Variants in NAV2 observed in about 807,000 individuals in gnomAD.
NAV2 encodes helicase, APC down-regulated 1.
NAV2 carries 54 observed loss-of-function variants against 223.2 expected under a neutral mutation model. That is an observed-to-expected ratio of 0.24 (90% CI 0.19 to 0.30). The LOEUF (loss-of-function observed/expected upper bound fraction) is 0.30, where lower values mean the gene tolerates loss of function less well. Among genes scored for constraint, NAV2 ranks in the 10% least tolerant of loss-of-function variants. The probability of loss-of-function intolerance (pLI) is 1.00; values close to 1 mark genes in which losing one functional copy is unlikely to be tolerated. For synonymous variants in NAV2, 1,279 were observed against 1,239.3 expected, an observed-to-expected ratio of 1.03 and a Z score of -0.67; for missense variants, 2,806 against 3,147.5, an observed-to-expected ratio of 0.89 and a Z score of 2.60.
At chr11:19,826,983 AC>A (rs2059670028) in intron 1 of NAV2, among the ~76,000 whole-genome samples, 1 of 152,140 alleles carries the variant, frequency 6.6e-6, no homozygotes, top group Admixed American at 6.5e-5. Flanking sequence ...GTGCCAGCAT[AC>A]ACGTTCTCTA....
At chr11:19,963,797 G>T (rs972239074) in intron 10 of NAV2, among the ~76,000 whole-genome samples, 7 of 152,182 alleles carry the variant, frequency 4.6e-5, no homozygotes, top group Admixed American at 4.6e-4. Flanking sequence ...GGTTCTCTGC[G>T]TGCTGGAAAT....
rs548238844 is a variant in NAV2 at position 19,746,480 on chromosome 11, T to C, written c.267+32518T>C. 3.9e-5 allele frequency among the ~76,000 whole-genome samples: 6 copies of C among 152,324 alleles called. No individual in the cohort carries two copies. The South Asian group carries it at 1.2e-3, about 32-fold the overall frequency. ...TCAGAATTAGACTGCCCAGCATTAATTACCTCTCAACTACACTTTTTATTT... is the reference window on the plus strand; with the variant it reads ...TCAGAATTAGACTGCCCAGCATTAACTACCTCTCAACTACACTTTTTATTT... On this transcript the variant is annotated intron_variant, in intron 1 of 37. Coordinates refer to ENST00000349880, the MANE Select transcript of NAV2 (RefSeq NM_145117.5).
intron 1 of NAV2, among the ~76,000 whole-genome samples, chr11:19,805,620 C>T (rs2058514665): frequency 2.6e-5 from 4 of 152,226 alleles, no homozygotes; most frequent in Admixed American, 2.6e-4. Flanking sequence ...CCTGAACTGT[C>T]ACTGACATTA....
chr11:19,349,858 GTGTC>G (rs1417629678), upstream of NAV2, among the ~76,000 whole-genome samples: 1 of 152,116 alleles, frequency 6.6e-6, no homozygotes, highest in Non-Finnish European at 1.5e-5. Flanking sequence ...AGGTGACTGA[GTGTC>G]TGCTCTATCT....
chr11:19,407,781 G>A (rs929753646), intron 1 of NAV2, among the ~76,000 whole-genome samples: 2 of 150,000 alleles, frequency 1.3e-5, no homozygotes, highest in African/African-American at 2.5e-5. Context: ...TGTGTGTCCC[G>A]GGCTTTGTCC....
chr11:19,362,368 CA>C (rs1355979474), intron 1 of NAV2, among the ~76,000 whole-genome samples: 1 of 152,072 alleles, frequency 6.6e-6, no homozygotes, highest in African/African-American at 2.4e-5. Context: ...TAAATTGACT[CA>C]TTTTTTTTAA....
chr11:19,922,724 AAAG>A (rs2044382390), intron 6 of NAV2, among the ~76,000 whole-genome samples: 1 of 152,180 alleles, frequency 6.6e-6, no homozygotes, highest in Non-Finnish European at 1.5e-5. Context: ...CGCTTTGAGA[AAAG>A]AATGCCTTAA....
chr11:19,602,760 T>C (rs995778513), intron 1 of NAV2, among the ~76,000 whole-genome samples: 1 of 152,288 alleles, frequency 6.6e-6, no homozygotes, highest in African/African-American at 2.4e-5. Flanking sequence ...CCTCTGTATC[T>C]TCTCCCCTTC....
intron 11 of NAV2, among the ~76,000 whole-genome samples, chr11:19,994,255 G>T (rs1591576360): frequency 6.6e-6 from 1 of 152,246 alleles, no homozygotes; most frequent in Non-Finnish European, 1.5e-5. Flanking sequence ...ATGTTGAAAG[G>T]TCAGCCTAGG....
chr11:20,050,203 A>C (rs1434116412), intron 16 of NAV2, among the ~76,000 whole-genome samples: 2 of 152,108 alleles, frequency 1.3e-5, no homozygotes, highest in African/African-American at 4.8e-5. Context: ...CTCCTGTGGC[A>C]TGTTCCTGCT....
intron 1 of NAV2, among the ~76,000 whole-genome samples, chr11:19,412,973 C>A (rs1393788279): frequency 1.3e-5 from 2 of 152,298 alleles, no homozygotes; most frequent in Non-Finnish European, 2.9e-5. Flanking sequence ...TGAGGAAAAA[C>A]CAGCACAAAA....
chr11:19,679,916 G>A (rs1277634318), intron 1 of NAV2, among the ~76,000 whole-genome samples: 1 of 152,230 alleles, frequency 6.6e-6, no homozygotes, highest in Non-Finnish European at 1.5e-5. Context: ...CTGAAGGCAA[G>A]AGGAAGGGCC....
chr11:19,713,239 C>T lies in NAV2; in HGVS notation c.-457C>T. 1.1e-6 allele frequency: 1 copy of T among 875,134 alleles called. No homozygotes were observed. Among genetic ancestry groups the T allele is most frequent in the Non-Finnish European group, 1.4e-6 (1 of 727,272 alleles). The allele number at this position is 875,134 out of a possible 1,614,324, so 54.2% of individuals were successfully genotyped here. On this transcript the variant is annotated 5_prime_UTR_variant, in exon 1 of 38. Transcript: ENST00000349880. This position sits in a 1 kb window ranked among gnomAD's most constrained non-coding sequence, Gnocchi z 7.2. ...CTTGGCTGCTCGCTCTTTCTCTCGC[C>T]GGCTCAGACCCGTAGCCTCCGGAAC...
At chr11:19,732,092 A>G (rs1320791228) in intron 1 of NAV2, among the ~76,000 whole-genome samples, 1 of 152,062 alleles carries the variant, frequency 6.6e-6, no homozygotes, top group Non-Finnish European at 1.5e-5. Context: ...CTACTAAACA[A>G]AAATACAAAA....
intron 36 of NAV2, among the ~76,000 whole-genome samples, chr11:20,110,218 T>C (rs1477499825): frequency 1.3e-5 from 2 of 152,198 alleles, no homozygotes; most frequent in African/African-American, 4.8e-5. Context: ...TTCAAGAGTG[T>C]GGAGCTGCAA....
intron 1 of NAV2, among the ~76,000 whole-genome samples, chr11:19,793,173 A>C (rs1185305204): frequency 1.4e-5 from 2 of 138,968 alleles, no homozygotes; most frequent in South Asian, 4.6e-4. Flanking sequence ...ATGTCATTGC[A>C]CTCCAGCCTG....
intron 17 of NAV2, among the ~76,000 whole-genome samples, chr11:20,053,807 G>C (rs1349810539): frequency 6.6e-6 from 1 of 152,100 alleles, no homozygotes; most frequent in Non-Finnish European, 1.5e-5. Flanking sequence ...TTACAGATAC[G>C]CCCAGTGACG....
intron 1 of NAV2, among the ~76,000 whole-genome samples, chr11:19,358,056 C>T (rs2133762173): frequency 6.6e-6 from 1 of 152,272 alleles, no homozygotes; most frequent in South Asian, 2.1e-4. Flanking sequence ...GCTCCTAAAG[C>T]TTGGATCAGA....
At chr11:19,903,480 C>T (rs2042613610) in intron 6 of NAV2, among the ~76,000 whole-genome samples, 1 of 152,074 alleles carries the variant, frequency 6.6e-6, no homozygotes, top group Admixed American at 6.5e-5. Context: ...AATCAATGGC[C>T]TGGCCTGCTT....
Sources: gnomAD v4.1 joint callset for allele counts (sites outside exome capture counted in the v4.1 genomes callset) on GRCh38, gnomAD v4.1.1 for gene constraint, Gnocchi (gnomAD v3.1) non-coding constraint, MANE v1.5 for transcripts, NCBI Gene and HGNC (gene_info 2026-07-23, HGNC 2026-07-21) for gene names.